Variants in CALN1 observed in about 807,000 individuals in gnomAD.
CALN1 encodes calneuron 1.
A neutral mutation model predicts 30.6 loss-of-function variants in CALN1; 17 were observed. The ratio of observed to expected loss-of-function variants is 0.56; its 90% CI spans 0.38 to 0.83. CALN1 has a LOEUF of 0.83. CALN1 is among the 40% of genes least tolerant of loss of function. CALN1 has a pLI of 0.00. For synonymous variants in CALN1, 156 were observed against 131.4 expected (o/e 1.19, Z -1.28); for missense variants, 291 against 354.9 (o/e 0.82, Z 1.45).
chr7:71,997,937 C>T (rs577143741), intron 5 of CALN1, among the ~76,000 whole-genome samples: 6 of 152,226 alleles, frequency 3.9e-5, no homozygotes, highest in African/African-American at 1.2e-4. Context: ...TCTTGTGCCT[C>T]AGCCTCCCAA....
chr7:71,928,730 C>T (rs982339615), intron 5 of CALN1, among the ~76,000 whole-genome samples: 3 of 152,058 alleles, frequency 2.0e-5, no homozygotes, highest in Non-Finnish European at 4.4e-5. Flanking sequence ...ACTTTTATCG[C>T]CGCAAAAAGA....
At chr7:71,847,773 A>AAGAAGAAAG (rs1491243650) in intron 5 of CALN1, among the ~76,000 whole-genome samples, 2 of 145,344 alleles carry the variant, frequency 1.4e-5, no homozygotes, top group South Asian at 2.3e-4. Flanking sequence ...GAAGAAGAAG[A>AAGAAGAAAG]AAGAAGAAGA....
intron 4 of CALN1, among the ~76,000 whole-genome samples, chr7:72,075,906 C>A (rs913288814): frequency 5.3e-5 from 8 of 152,144 alleles, no homozygotes; most frequent in African/African-American, 1.9e-4. Flanking sequence ...TCTCAAGGAT[C>A]TGAGAGTGGA....
intron 5 of CALN1, among the ~76,000 whole-genome samples, chr7:71,961,793 C>T (rs1797260535): frequency 1.3e-5 from 2 of 152,094 alleles, no homozygotes. Flanking sequence ...AGAGAGAGGG[C>T]AGGGTCCTCC....
chr7:72,041,271 G>A (rs1802107835), intron 4 of CALN1, among the ~76,000 whole-genome samples: 1 of 152,152 alleles, frequency 6.6e-6, no homozygotes, highest in African/African-American at 2.4e-5. Flanking sequence ...CAATGCCACA[G>A]AGGGCCAAGT....
chr7:71,910,934 G>C (rs541064526), intron 5 of CALN1, among the ~76,000 whole-genome samples: 1 of 152,062 alleles, frequency 6.6e-6, no homozygotes, highest in African/African-American at 2.4e-5. Context: ...GAAAATAAAC[G>C]CCCAACAGAA....
chr7:72,443,611 G>A (rs1479399339), intron 1 of CALN1, among the ~76,000 whole-genome samples: 3 of 151,840 alleles, frequency 2.0e-5, no homozygotes, highest in East Asian at 3.9e-4. Context: ...GACTCAGTTT[G>A]GGGATCATCT....
chr7:71,822,131 T>C (rs893919411), intron 5 of CALN1, among the ~76,000 whole-genome samples: 2 of 152,210 alleles, frequency 1.3e-5, no homozygotes, highest in Non-Finnish European at 2.9e-5. Context: ...ACAAGGAGGC[T>C]AGAATTGGAT....
intron 1 of CALN1, among the ~76,000 whole-genome samples, chr7:72,419,836 G>C (rs887838802): frequency 6.6e-6 from 1 of 152,136 alleles, no homozygotes; most frequent in Non-Finnish European, 1.5e-5. Context: ...GGTTTTGGAG[G>C]GGAGCCCAGC....
chr7:72,036,881 T>C (rs1192740730), intron 4 of CALN1, among the ~76,000 whole-genome samples: 1 of 152,116 alleles, frequency 6.6e-6, no homozygotes, highest in Non-Finnish European at 1.5e-5. Context: ...ACTGGATATG[T>C]TAATGTAATA....
At chr7:72,098,296 C>T (rs1299065027) in intron 4 of CALN1, among the ~76,000 whole-genome samples, 1 of 152,048 alleles carries the variant, frequency 6.6e-6, no homozygotes, top group African/African-American at 2.4e-5. Context: ...GGAAGAGTGA[C>T]CACAAGAGAA....
chr7:71,902,230 AACC>A, intron 5 of CALN1, among the ~76,000 whole-genome samples: 1 of 115,300 alleles, frequency 8.7e-6, no homozygotes, highest in Admixed American at 8.0e-5. Context: ...TCTCAAAACC[AACC>A]AACCAACCAA....
chr7:72,327,633 T>A (rs1402365170), intron 2 of CALN1, among the ~76,000 whole-genome samples: 1 of 152,226 alleles, frequency 6.6e-6, no homozygotes, highest in African/African-American at 2.4e-5. Flanking sequence ...ATTGCCTAAC[T>A]TTTGATAATG....
intron 5 of CALN1, among the ~76,000 whole-genome samples, chr7:71,913,421 C>T (rs1018053300): frequency 6.6e-5 from 10 of 152,100 alleles, no homozygotes; most frequent in South Asian, 2.1e-4. Context: ...ATATTTCAGC[C>T]GAGGAGATGA....
At chr7:71,854,925 A>G (rs771606757) in intron 5 of CALN1, among the ~76,000 whole-genome samples, 49 of 152,252 alleles carry the variant, frequency 3.2e-4, no homozygotes, top group Non-Finnish European at 6.0e-4. Flanking sequence ...GTTCTTTGAT[A>G]CATCTCAAAA....
chr7:71,931,291 A>G (rs575955124), intron 5 of CALN1, among the ~76,000 whole-genome samples: 4 of 151,518 alleles, frequency 2.6e-5, no homozygotes, highest in Non-Finnish European at 1.5e-5. Flanking sequence ...TTTGAGATGG[A>G]GTCTCACTCT....
intron 3 of CALN1, among the ~76,000 whole-genome samples, chr7:72,268,605 A>C (rs2129553285): frequency 6.6e-6 from 1 of 152,258 alleles, no homozygotes; most frequent in South Asian, 2.1e-4. Flanking sequence ...CAGGCGTTCA[A>C]GACCAGCATG....
intron 4 of CALN1, among the ~76,000 whole-genome samples, chr7:72,101,441 A>C (rs1271584184): frequency 6.6e-6 from 1 of 152,216 alleles, no homozygotes; most frequent in Non-Finnish European, 1.5e-5. Flanking sequence ...CCAGCTTTTC[A>C]GAAATATCTC....
At chr7:72,080,567 G>A (rs780994700) in intron 4 of CALN1, among the ~76,000 whole-genome samples, 2 of 152,116 alleles carry the variant, frequency 1.3e-5, no homozygotes, top group African/African-American at 2.4e-5. Flanking sequence ...GGGTGTAGAG[G>A]GTAGAAGCAG....
Sources: allele counts gnomAD v4.1 joint callset (sites outside exome capture counted in the v4.1 genomes callset), GRCh38; gene constraint gnomAD v4.1.1; transcripts MANE v1.5; gene names NCBI Gene and HGNC (gene_info 2026-07-23, HGNC 2026-07-21).